EHF: variants seen among roughly 807,000 people sequenced by gnomAD.
EHF encodes the protein ESE3 transcription factor.
In EHF, 14 loss-of-function variants were observed where a neutral mutation model predicts 45.1. That is an observed-to-expected ratio of 0.31 (90% CI 0.21 to 0.49). The LOEUF is 0.49. Ranked by LOEUF, EHF falls within the 20% of genes least tolerant of loss-of-function variation. EHF has a pLI of 0.99. For synonymous variants in EHF, 136 were observed against 131.8 expected (o/e 1.03, Z -0.22); for missense variants, 282 against 371.4 (o/e 0.76, Z 1.98).
At chr11:34,621,276 T>C (rs717582) in intron 1 of EHF, 48 bp downstream of exon 1, 86,269 of 151,968 alleles carry the variant, frequency 0.57, 25,445 homozygotes, top group Non-Finnish European at 0.64. Context: ...ATCCAAACAC[T>C]TGAGTGGAAA....
chr11:34,622,592 G>A lies in EHF; in HGVS notation c.-4+1364G>A, dbSNP rs141594715. On this transcript the variant is annotated intron_variant, in intron 1 of 8. Transcript: ENST00000257831. The stretch of plus-strand genomic sequence containing the variant: ...ATACTATCAGAAAAGGCTCTTAAGA[G>A]ATTTTAAGGATGACTTTAATAGCTG... 4.7e-3 allele frequency among the ~76,000 whole-genome samples: 709 copies of A among 152,298 alleles called. 10 individuals carry two copies. The highest frequency in any genetic ancestry group is 0.016 in the African/African-American group (674 of 41,552).
At chr11:34,656,625 C>T (rs1214283327) in intron 6 of EHF, among the ~76,000 whole-genome samples, 2 of 152,186 alleles carry the variant, frequency 1.3e-5, no homozygotes, top group Non-Finnish European at 2.9e-5. Context: ...GACCTTTTCC[C>T]TCATATCCTT....
At chr11:34,637,743 C>T (rs1332165221) in intron 1 of EHF, among the ~76,000 whole-genome samples, 3 of 152,074 alleles carry the variant, frequency 2.0e-5, no homozygotes, top group Non-Finnish European at 4.4e-5. Flanking sequence ...CAAACTTCTG[C>T]CCAAAGAGGT....
chr11:34,625,750 G>A (rs1254246023), intron 1 of EHF, among the ~76,000 whole-genome samples: 2 of 152,226 alleles, frequency 1.3e-5, no homozygotes, highest in African/African-American at 4.8e-5. Flanking sequence ...ACCGCATTCT[G>A]TCTTTGGTTT....
chr11:34,621,772 A>C (rs1056470411), intron 1 of EHF, among the ~76,000 whole-genome samples: 2 of 152,260 alleles, frequency 1.3e-5, no homozygotes, highest in South Asian at 4.1e-4. Flanking sequence ...ACACTGGAAA[A>C]AGTGGCCAGG....
rs367875067 is a variant in EHF, at chr11:34,642,740, G to A, written c.97+13G>A. The stretch of plus-strand genomic sequence containing the variant: ...TCCACGTGCAATGGTAAGAGGGCCT[G>A]TGGGTGTTGGTGTCACTGCTGTGCT... On this transcript the variant is annotated intron_variant, in intron 2 of 8. Coordinates refer to ENST00000257831, the MANE Select transcript of EHF (RefSeq NM_012153.6). The A allele has an allele frequency of 5.0e-6, 8 of 1,589,130 alleles. No individual in the cohort carries two copies. Among genetic ancestry groups the A allele is most frequent in the Non-Finnish European group, 6.9e-6 (8 of 1,157,422 alleles).
chr11:34,628,382 A>G (rs1408616392), intron 1 of EHF, among the ~76,000 whole-genome samples: 1 of 152,218 alleles, frequency 6.6e-6, no homozygotes, highest in African/African-American at 2.4e-5. Context: ...TTTGTCATGT[A>G]AAAATATTAT....
intron 4 of EHF, 25 bp downstream of exon 4, chr11:34,649,106 C>A (rs368395080): frequency 1.2e-6 from 2 of 1,611,962 alleles, no homozygotes; most frequent in Non-Finnish European, 1.7e-6. Flanking sequence ...ACAAAGGGAG[C>A]CAACCTAGCC....
intron 6 of EHF, among the ~76,000 whole-genome samples, chr11:34,655,053 C>T (rs547906797): frequency 1.3e-5 from 2 of 152,272 alleles, no homozygotes; most frequent in South Asian, 2.1e-4. Flanking sequence ...TTGTCACATC[C>T]TGATGGGATG....
In EHF at chr11:34,659,786, A is replaced by G. The variant is rs745473551; in HGVS notation, c.*855A>G. 2.6e-5 allele frequency: 4 copies of G among 152,148 alleles called. No homozygotes were observed. The highest frequency in any genetic ancestry group is 2.1e-4 in the South Asian group (1 of 4,832). The allele number at this position is 152,148 out of a possible 1,614,324, so 9.4% of individuals were successfully genotyped here. A position where few individuals can be genotyped will look rare whatever the true frequency, so the allele number is the denominator to read the frequency against. ...CTGAAGAGTTTGCTCTTGTATCCCTATAGTCCAAGGTTTCTCAATCTGCAC... is the reference window on the plus strand; with the variant it reads ...CTGAAGAGTTTGCTCTTGTATCCCTGTAGTCCAAGGTTTCTCAATCTGCAC... On this transcript the variant is annotated 3_prime_UTR_variant, in exon 9 of 9. Coordinates refer to ENST00000257831, the MANE Select transcript of EHF (RefSeq NM_012153.6).
intron 1 of EHF, among the ~76,000 whole-genome samples, chr11:34,635,535 T>A (rs576108316): frequency 7.1e-6 from 1 of 140,390 alleles, no homozygotes; most frequent in Non-Finnish European, 1.5e-5. Context: ...CACTGCAACC[T>A]CTACCTCCCG....
intron 1 of EHF, among the ~76,000 whole-genome samples, chr11:34,628,972 A>G (rs1011730152): frequency 2.6e-5 from 4 of 152,178 alleles, no homozygotes; most frequent in African/African-American, 9.7e-5. Context: ...TTCCTTTTAC[A>G]CTGAGCTCTG....
In EHF at chr11:34,628,092, T is replaced by G. The variant is rs552960414; in HGVS notation, c.-4+6864T>G. ...GGCGAAACCCCATCTCTACTAAAAA[T>G]ACAGGTGTGGTAGCACACACCTGTA... is the stretch of plus-strand genomic sequence containing the variant. On this transcript the variant is annotated intron_variant, in intron 1 of 8. Transcript: ENST00000257831. Among the ~76,000 whole-genome samples, 5 of 152,192 alleles carry G rather than the reference T, an allele frequency of 3.3e-5. No individual in the cohort carries two copies. In the South Asian group the frequency reaches 6.2e-4, roughly 19 times the overall value.
chr11:34,646,629 G>T lies in EHF; in HGVS notation c.288G>T (p.Ala96=). 1 of 1,613,752 alleles carries T rather than the reference G, an allele frequency of 6.2e-7. No homozygotes were observed. Among genetic ancestry groups the T allele is most frequent in the South Asian group, 1.1e-5 (1 of 91,056 alleles). The part of the protein sequence containing the change: ...CSMSLQEFTR[A]AGTAGQLLYS... ...TGAGTTTGCAGGAGTTCACCCGGGC[G>T]GCAGGGACGGCGGGGCAGCTCCTCT... Residue 96 remains alanine, a synonymous_variant, in exon 3 of 9, where the codon GCG becomes GCT. Transcript: ENST00000257831.
chr11:34,661,859 T>G lies in EHF; in HGVS notation c.*2928T>G, dbSNP rs535786061. The stretch of plus-strand genomic sequence containing the variant: ...CCTGAGTTGAAAGGGCTCTCTCTTA[T>G]TAGGTTTTCATGGGAACATGAGGCA... On this transcript the variant is annotated 3_prime_UTR_variant, in exon 9 of 9. Coordinates refer to ENST00000257831, the MANE Select transcript of EHF (RefSeq NM_012153.6). Among the ~76,000 whole-genome samples, 29 of 152,242 alleles carry G rather than the reference T, an allele frequency of 1.9e-4. 1 individual carries two copies. In the South Asian group the frequency reaches 5.6e-3, roughly 29 times the overall value.
At chr11:34,634,134 G>T (rs1012391378) in intron 1 of EHF, among the ~76,000 whole-genome samples, 5 of 152,124 alleles carry the variant, frequency 3.3e-5, no homozygotes, top group Non-Finnish European at 7.4e-5. Flanking sequence ...CAATTCATTT[G>T]TAAAAACACA....
At chr11:34,641,800 G>A (rs1314345652) in intron 1 of EHF, among the ~76,000 whole-genome samples, 1 of 152,078 alleles carries the variant, frequency 6.6e-6, no homozygotes, top group Non-Finnish European at 1.5e-5. Context: ...AGTGTAAAAT[G>A]TTTGCATTGT....
intron 1 of EHF, among the ~76,000 whole-genome samples, chr11:34,623,850 A>G (rs1852152781): frequency 6.6e-6 from 1 of 152,240 alleles, no homozygotes; most frequent in Admixed American, 6.5e-5. Context: ...CTTTTCTGAA[A>G]GCCCAGGGCA....
At chr11:34,632,331 G>C in intron 1 of EHF, 1 of 632,078 alleles carries the variant, frequency 1.6e-6, no homozygotes, top group Non-Finnish European at 2.5e-6. Flanking sequence ...GTATTCAGAA[G>C]ATAACAGAAG....
Sources: allele counts gnomAD v4.1 joint callset (sites outside exome capture counted in the v4.1 genomes callset), GRCh38; gene constraint gnomAD v4.1.1; transcripts MANE v1.5; gene names NCBI Gene and HGNC (gene_info 2026-07-23, HGNC 2026-07-21).